Variants in GDPD1 observed in about 807,000 individuals in gnomAD.
GDPD1 encodes lysophospholipase D GDPD1.
Under a neutral mutation model 45.1 loss-of-function variants are expected in GDPD1, and 28 were observed. That is an observed-to-expected ratio of 0.62 (90% CI 0.46 to 0.85). The LOEUF (loss-of-function observed/expected upper bound fraction) is 0.85, where lower values mean the gene tolerates loss of function less well. Ranked by LOEUF, GDPD1 falls within the 40% of genes least tolerant of loss-of-function variation. The pLI, the probability that GDPD1 is intolerant of heterozygous loss-of-function variation, is 0.00. For missense variants in GDPD1, 256 were observed against 364.8 expected (o/e 0.70, Z 2.43); for synonymous variants, 139 against 131.4 (o/e 1.06, Z -0.40).
rs368914278 is a variant in GDPD1, at chr17:59,235,816, C to CA, written c.185+1299dup. Among the ~76,000 whole-genome samples, 147 of 97,858 alleles carry CA rather than the reference C, an allele frequency of 1.5e-3. 2 individuals carry two copies. Among genetic ancestry groups the CA allele is most frequent in the South Asian group, 3.1e-3 (10 of 3,244 alleles). The allele number at this position is 97,858 out of a possible 152,430, so 64.2% of individuals were successfully genotyped here. A position where few individuals can be genotyped will look rare whatever the true frequency, so the allele number is the denominator to read the frequency against. Reference sequence around the variant, plus strand: ...TGGGCAATAGAGTGAGACTCTATCTCAAAAAAAAAAAAAAAAAGTAAAATT... The same window carrying CA: ...TGGGCAATAGAGTGAGACTCTATCTCAAAAAAAAAAAAAAAAAAGTAAAATT... On this transcript the variant is annotated intron_variant, in intron 2 of 9. Transcript: ENST00000284116.
chr17:59,258,124 A>G (rs2047323969), intron 6 of GDPD1, among the ~76,000 whole-genome samples: 1 of 152,076 alleles, frequency 6.6e-6, no homozygotes, highest in African/African-American at 2.4e-5. Context: ...ATGAGGTCTC[A>G]CTATATTGCC....
At chr17:59,272,493 G>A (rs1163287911) in intron 8 of GDPD1, among the ~76,000 whole-genome samples, 1 of 152,200 alleles carries the variant, frequency 6.6e-6, no homozygotes, top group African/African-American at 2.4e-5. Flanking sequence ...CAGTGAAAAT[G>A]AGGCAGCCTC....
rs867365318 is a variant in GDPD1, at chr17:59,273,596, A to T, written c.823-55A>T. The stretch of plus-strand genomic sequence containing the variant: ...TGTAGTGGATAAATACTGTTATAAA[A>T]ATAATTTTCTATTTTAACATTTCTT... On this transcript the variant is annotated intron_variant, in intron 9 of 9. Coordinates refer to ENST00000284116, the MANE Select transcript of GDPD1 (RefSeq NM_182569.4). The T allele has an allele frequency of 7.5e-5, 79 of 1,059,660 alleles. 1 individual carries two copies. In the Middle Eastern group the frequency reaches 2.6e-3, roughly 34 times the overall value. 65.6% of individuals were successfully genotyped at this position (1,059,660 alleles called of 1,614,324 possible).
chr17:59,270,373 T>C (rs1409506835), intron 7 of GDPD1, among the ~76,000 whole-genome samples: 2 of 146,316 alleles, frequency 1.4e-5, no homozygotes, highest in African/African-American at 2.7e-5. Context: ...TTTATGTTTT[T>C]AGTAGAGACG....
At chr17:59,272,951 CT>C in intron 9 of GDPD1, 115 bp downstream of exon 9, 2 of 1,590,732 alleles carry the variant, frequency 1.3e-6, no homozygotes. Flanking sequence ...GATGCTGCTG[CT>C]TTACTGATCC....
chr17:59,240,302 T>A (rs1194705681), intron 2 of GDPD1, among the ~76,000 whole-genome samples: 3 of 149,848 alleles, frequency 2.0e-5, no homozygotes, highest in African/African-American at 4.9e-5. Context: ...AAAAAAAAAA[T>A]AAGAAGTTTA....
chr17:59,255,859 A>G lies in GDPD1; in HGVS notation c.368-1263A>G, dbSNP rs1326954100. On this transcript the variant is annotated intron_variant, in intron 4 of 9. Transcript: ENST00000284116. ...TATATATATATATATATACACACGT[A>G]TATATATATATATATACACACACAC... 1.1e-4 allele frequency among the ~76,000 whole-genome samples: 9 copies of G among 82,160 alleles called. 1 individual carries two copies. Among genetic ancestry groups the G allele is most frequent in the Non-Finnish European group, 1.7e-4 (8 of 47,612 alleles). 53.9% of individuals were successfully genotyped at this position (82,160 alleles called of 152,430 possible). A position where few individuals can be genotyped will look rare whatever the true frequency, so the allele number is the denominator to read the frequency against.
In GDPD1 at chr17:59,257,318, T is replaced by G; in HGVS notation, c.486+78T>G. The G allele has an allele frequency of 4.2e-6, 3 of 721,986 alleles. No homozygotes were observed. In the South Asian group the frequency reaches 5.6e-5, roughly 13 times the overall value. The allele number at this position is 721,986 out of a possible 1,614,324, so 44.7% of individuals were successfully genotyped here. A position where few individuals can be genotyped will look rare whatever the true frequency, so the allele number is the denominator to read the frequency against. The stretch of plus-strand genomic sequence containing the variant: ...AATAAGGTTAGAGTCAGTGACTGCA[T>G]AGATTGATAATGCTCAAGGAAATGT... On this transcript the variant is annotated intron_variant, in intron 5 of 9. Transcript: ENST00000284116.
rs539545986 is a variant in GDPD1 at position 59,264,703 on chromosome 17, C to T, written c.577-2338C>T. Among the ~76,000 whole-genome samples, 15 of 152,090 alleles carry T rather than the reference C, an allele frequency of 9.9e-5. No homozygotes were observed. In the South Asian group the frequency reaches 1.5e-3, roughly 15 times the overall value. Reference sequence around the variant, plus strand: ...CAGTGACTTGTATATTTTGTTACAGCTGAAACACCTGTATGTAAGTAAGCC... The same window carrying T: ...CAGTGACTTGTATATTTTGTTACAGTTGAAACACCTGTATGTAAGTAAGCC... On this transcript the variant is annotated intron_variant, in intron 6 of 9. Coordinates refer to ENST00000284116, the MANE Select transcript of GDPD1 (RefSeq NM_182569.4).
chr17:59,252,006 A>AAAAG, intron 4 of GDPD1, among the ~76,000 whole-genome samples: 1 of 150,352 alleles, frequency 6.7e-6, no homozygotes, highest in African/African-American at 2.4e-5. Context: ...AAAAAAAAAA[A>AAAAG]AAAAAGAGAA....
At chr17:59,253,097 G>A (rs2047268827) in intron 4 of GDPD1, among the ~76,000 whole-genome samples, 1 of 151,954 alleles carries the variant, frequency 6.6e-6, no homozygotes, top group African/African-American at 2.4e-5. Flanking sequence ...ATAATCTACA[G>A]TTGACTATAA....
chr17:59,271,027 A>G (rs1568352713), intron 8 of GDPD1, 32 bp downstream of exon 8: 1 of 1,288,042 alleles, frequency 7.8e-7, no homozygotes, highest in Non-Finnish European at 1.1e-6. Flanking sequence ...TATGCAAGTT[A>G]TTGCTTCAGC....
At chr17:59,245,305 T>A in intron 2 of GDPD1, 109 bp from the exon 3 acceptor site, 1 of 740,662 alleles carries the variant, frequency 1.4e-6, no homozygotes, top group Non-Finnish European at 2.3e-6. Context: ...TAAGGAGATA[T>A]TTTAGTATTA....
rs56936442 is a variant in GDPD1, at chr17:59,260,060, C to CAAAAAAAAAAAAAAAAA, written c.576+2244_576+2260dup. Among the ~76,000 whole-genome samples, 4 of 25,828 alleles carry CAAAAAAAAAAAAAAAAA rather than the reference C, an allele frequency of 1.5e-4. 1 individual carries two copies. The highest frequency in any genetic ancestry group is 2.1e-4 in the Non-Finnish European group (3 of 14,512). The allele number at this position is 25,828 out of a possible 152,430, so 16.9% of individuals were successfully genotyped here. ...TGGGTGACGGAGCCAGACCCTGTCT[C>CAAAAAAAAAAAAAAAAA]AAAAAAAAAAAAAAAAAAAAAAAAA... is the stretch of plus-strand genomic sequence containing the variant. On this transcript the variant is annotated intron_variant, in intron 6 of 9. Transcript: ENST00000284116.
intron 1 of GDPD1, among the ~76,000 whole-genome samples, chr17:59,222,360 C>T (rs2047011863): frequency 1.3e-5 from 2 of 151,636 alleles, no homozygotes; most frequent in South Asian, 4.2e-4. Flanking sequence ...GCGCCCGCCA[C>T]CACACCCAGT....
Position 59,273,917 on chromosome 17 carries a change from T to C in GDPD1, c.*144T>C. 2.1e-6 allele frequency: 2 copies of C among 948,612 alleles called. No individual in the cohort carries two copies. The highest frequency in any genetic ancestry group is 2.6e-6 in the Non-Finnish European group (2 of 756,752). The allele number at this position is 948,612 out of a possible 1,614,324, so 58.8% of individuals were successfully genotyped here. A position where few individuals can be genotyped will look rare whatever the true frequency, so the allele number is the denominator to read the frequency against. On this transcript the variant is annotated 3_prime_UTR_variant, in exon 10 of 10. Coordinates refer to ENST00000284116, the MANE Select transcript of GDPD1 (RefSeq NM_182569.4). The stretch of plus-strand genomic sequence containing the variant: ...TCATTTTTAAGCCTGTATGAGAATG[T>C]AGAAACTATATATTATATGTATATT...
At chr17:59,255,577 A>G (rs1288833606) in intron 4 of GDPD1, among the ~76,000 whole-genome samples, 1 of 147,962 alleles carries the variant, frequency 6.8e-6, no homozygotes, top group African/African-American at 2.5e-5. Context: ...CCCTGCCTCT[A>G]CTAAAAATAC....
chr17:59,250,965 CA>C (rs2047248796), intron 4 of GDPD1, among the ~76,000 whole-genome samples: 1 of 152,102 alleles, frequency 6.6e-6, no homozygotes, highest in Non-Finnish European at 1.5e-5. Flanking sequence ...CTTGCCCTCC[CA>C]AAATGCTAGG....
chr17:59,252,222 C>T (rs1323092036), intron 4 of GDPD1, among the ~76,000 whole-genome samples: 2 of 151,888 alleles, frequency 1.3e-5, no homozygotes, highest in African/African-American at 4.8e-5. Context: ...GAAACCCTGT[C>T]TGTACTAAAA....
Sources: allele counts gnomAD v4.1 joint callset (sites outside exome capture counted in the v4.1 genomes callset), GRCh38; gene constraint gnomAD v4.1.1; transcripts MANE v1.5; gene names NCBI Gene and HGNC (gene_info 2026-07-23, HGNC 2026-07-21).